SSH2: variants seen among roughly 807,000 people sequenced by gnomAD.
SSH2 encodes the protein slingshot protein phosphatase 2.
A neutral mutation model predicts 135.2 loss-of-function variants in SSH2; 37 were observed. That is an observed-to-expected ratio of 0.27 (90% CI 0.21 to 0.36). The LOEUF (loss-of-function observed/expected upper bound fraction) is 0.36, where lower values mean the gene tolerates loss of function less well. Ranked by LOEUF, SSH2 falls within the 10% of genes least tolerant of loss-of-function variation. The pLI is 1.00. For synonymous variants in SSH2, 628 were observed against 646.2 expected, an observed-to-expected ratio of 0.97 and a Z score of 0.43; for missense variants, 1,408 against 1,765.3, an observed-to-expected ratio of 0.80 and a Z score of 3.63.
rs533675213 is a variant in SSH2, at chr17:29,915,454, T to A, written c.63+14484A>T. Among the ~76,000 whole-genome samples the A allele has an allele frequency of 7.9e-5, 12 of 152,176 alleles. No individual in the cohort carries two copies. In the South Asian group the frequency reaches 8.3e-4, roughly 11 times the overall value. ...TCAGTGTCTTTGGATCTCCATATTT[T>A]AAAAAAAATCTGGCAATTTCTATTT... On this transcript the variant is annotated intron_variant, in intron 1 of 15. Transcript: ENST00000540801.
chr17:29,718,872 C>T (rs375038545), intron 3 of SSH2, among the ~76,000 whole-genome samples: 4 of 151,978 alleles, frequency 2.6e-5, no homozygotes, highest in African/African-American at 7.2e-5. Flanking sequence ...AATTTCTCCT[C>T]TGGGCTGCCT....
chr17:29,713,922 C>T (rs967881254), intron 3 of SSH2, among the ~76,000 whole-genome samples: 2 of 152,092 alleles, frequency 1.3e-5, no homozygotes, highest in African/African-American at 4.8e-5. Flanking sequence ...AAGTAACTTC[C>T]CAACACACAA....
chr17:29,797,425 G>C (rs550253551), intron 2 of SSH2, among the ~76,000 whole-genome samples: 28 of 152,168 alleles, frequency 1.8e-4, no homozygotes, highest in African/African-American at 6.7e-4. Context: ...CTACTTTATG[G>C]GAAGATTTTT....
At chr17:29,640,278 G>A (rs1418130607) in intron 14 of SSH2, among the ~76,000 whole-genome samples, 11 of 151,958 alleles carry the variant, frequency 7.2e-5, no homozygotes, top group Non-Finnish European at 1.3e-4. Context: ...GGGTTTCACC[G>A]TGTTAGCCAG....
intron 1 of SSH2, among the ~76,000 whole-genome samples, chr17:29,874,070 A>T (rs1599125439): frequency 6.6e-6 from 1 of 152,218 alleles, no homozygotes; most frequent in African/African-American, 2.4e-5. Flanking sequence ...AGGTGGGTGG[A>T]TCGGATAAGC....
At position 29,719,978 on chromosome 17, in the gene SSH2, C is replaced by T. The variant is rs572666039; in HGVS notation, c.189-16916G>A. On this transcript the variant is annotated intron_variant, in intron 3 of 15. Coordinates refer to ENST00000540801, the MANE Select transcript of SSH2 (RefSeq NM_001282129.2). ...TTCACCATGTTGGCCAGGGTGGTCTCGAACTCCTGACCTCAGGTGATTCAC... is the reference window on the plus strand; with the variant it reads ...TTCACCATGTTGGCCAGGGTGGTCTTGAACTCCTGACCTCAGGTGATTCAC... 7.2e-5 allele frequency among the ~76,000 whole-genome samples: 11 copies of T among 152,226 alleles called. No individual in the cohort carries two copies. The East Asian group carries it at 1.5e-3, about 21-fold the overall frequency.
intron 3 of SSH2, among the ~76,000 whole-genome samples, chr17:29,760,799 G>A (rs1347539958): frequency 1.3e-5 from 2 of 151,610 alleles, no homozygotes; most frequent in African/African-American, 4.8e-5. Flanking sequence ...TTCCGATTCT[G>A]TCGACTACCC....
chr17:29,818,604 G>C (rs1278718993), intron 2 of SSH2, among the ~76,000 whole-genome samples: 1 of 152,038 alleles, frequency 6.6e-6, no homozygotes, highest in Non-Finnish European at 1.5e-5. Context: ...AACAGAGCTG[G>C]GGAGAAAAAG....
At chr17:29,773,599 C>G (rs957679245) in intron 3 of SSH2, among the ~76,000 whole-genome samples, 2 of 152,158 alleles carry the variant, frequency 1.3e-5, no homozygotes, top group Non-Finnish European at 2.9e-5. Flanking sequence ...TACACATCGC[C>G]TTTTGAGATT....
At chr17:29,888,931 CAAAAAAAAAAAA>C (rs1175371440) in intron 1 of SSH2, among the ~76,000 whole-genome samples, 7 of 42,082 alleles carry the variant, frequency 1.7e-4, no homozygotes, top group Middle Eastern at 0.021. Context: ...GACACTATCT[CAAAAAAAAAAAA>C]AAAAAAAAAA....
chr17:29,798,065 C>T (rs138391556), intron 2 of SSH2, among the ~76,000 whole-genome samples: 13 of 152,218 alleles, frequency 8.5e-5, no homozygotes, highest in African/African-American at 2.9e-4. Context: ...ATCAACAATG[C>T]GTGAGAGTTA....
intron 1 of SSH2, among the ~76,000 whole-genome samples, chr17:29,880,335 C>G (rs951813390): frequency 7.9e-5 from 12 of 152,194 alleles, no homozygotes; most frequent in African/African-American, 2.9e-4. Context: ...AGGCTGGTCT[C>G]AAACTATGTT....
chr17:29,897,075 T>TA (rs1275308668), intron 1 of SSH2, among the ~76,000 whole-genome samples: 1 of 151,924 alleles, frequency 6.6e-6, no homozygotes, highest in Non-Finnish European at 1.5e-5. Context: ...ATAACTCACT[T>TA]AAGTAGTTAC....
At chr17:29,894,969 C>T (rs561791865) in intron 1 of SSH2, among the ~76,000 whole-genome samples, 1 of 150,420 alleles carries the variant, frequency 6.6e-6, no homozygotes, top group South Asian at 2.1e-4. Flanking sequence ...AAACTGCTAT[C>T]ACATAAGGCT....
At chr17:29,800,894 C>T (rs1452222439) in intron 2 of SSH2, among the ~76,000 whole-genome samples, 1 of 148,452 alleles carries the variant, frequency 6.7e-6, no homozygotes, top group African/African-American at 2.5e-5. Flanking sequence ...GAGACAGAGT[C>T]TCACTCTGTT....
chr17:29,868,992 A>G (rs1182193674), intron 1 of SSH2, among the ~76,000 whole-genome samples: 1 of 152,176 alleles, frequency 6.6e-6, no homozygotes, highest in African/African-American at 2.4e-5. Context: ...ATAAGAGTAG[A>G]AGTGTTTCAA....
chr17:29,670,591 T>A (rs9915626), intron 9 of SSH2, among the ~76,000 whole-genome samples: 6 of 151,792 alleles, frequency 4.0e-5, no homozygotes, highest in African/African-American at 1.5e-4. Flanking sequence ...CTGGTCAACA[T>A]GGTGAAACCC....
chr17:29,655,349 C>T (rs1450337157), intron 12 of SSH2, among the ~76,000 whole-genome samples: 9 of 152,150 alleles, frequency 5.9e-5, no homozygotes, highest in Admixed American at 4.6e-4. Flanking sequence ...GTGATCCACC[C>T]GCCTCAGCTT....
At chr17:29,849,279 A>G (rs1037993278) in intron 1 of SSH2, among the ~76,000 whole-genome samples, 2 of 152,014 alleles carry the variant, frequency 1.3e-5, no homozygotes, top group Admixed American at 1.3e-4. Context: ...GGAGATCGAG[A>G]CTATCCCAGC....
Sources: gnomAD v4.1 joint callset for allele counts (sites outside exome capture counted in the v4.1 genomes callset) on GRCh38, gnomAD v4.1.1 for gene constraint, MANE v1.5 for transcripts, NCBI Gene and HGNC (gene_info 2026-07-23, HGNC 2026-07-21) for gene names.